Variants in TMEM87A observed in about 807,000 individuals in gnomAD.
TMEM87A encodes the protein Golgi-pH regulating cation channel.
TMEM87A carries 50 observed loss-of-function variants against 90.0 expected under a neutral mutation model. The ratio of observed to expected loss-of-function variants is 0.56; its 90% CI spans 0.44 to 0.70. The LOEUF (loss-of-function observed/expected upper bound fraction) is 0.70. Ranked by LOEUF, TMEM87A falls within the 30% of genes least tolerant of loss-of-function variation. The pLI is 0.00. For synonymous variants in TMEM87A, 226 were observed against 226.7 expected (o/e 1.00, Z 0.03); for missense variants, 577 against 660.5 (o/e 0.87, Z 1.39).
chr15:42,250,802 A>T (rs2051070974), intron 6 of TMEM87A, among the ~76,000 whole-genome samples: 1 of 151,950 alleles, frequency 6.6e-6, no homozygotes, highest in African/African-American at 2.4e-5. Flanking sequence ...TAGGTGGGGG[A>T]AGTTCTCCTA....
chr15:42,243,136 C>T (rs947045473), intron 7 of TMEM87A, among the ~76,000 whole-genome samples: 3 of 151,924 alleles, frequency 2.0e-5, no homozygotes, highest in Admixed American at 6.6e-5. Context: ...GGTGTGGTGG[C>T]GGGCGCCTGT....
intron 2 of TMEM87A, 37 bp downstream of exon 2, chr15:42,272,026 A>G (rs767533135): frequency 6.5e-7 from 1 of 1,528,346 alleles, no homozygotes; most frequent in South Asian, 1.2e-5. Flanking sequence ...AAATTTTTAA[A>G]ATTCAAATTA....
intron 6 of TMEM87A, among the ~76,000 whole-genome samples, chr15:42,250,077 A>G (rs1204163154): frequency 6.6e-6 from 1 of 152,194 alleles, no homozygotes; most frequent in African/African-American, 2.4e-5. Context: ...ATCAGAGACT[A>G]GAATTGCAAC....
Position 42,264,128 on chromosome 15 carries a change from T to C in TMEM87A, c.367A>G (p.Lys123Glu). ...GLSGKYQTSS[K>E]LFQNCSELFK... Reference sequence around the variant, plus strand: ...AGTTCACTGCAGTTCTGGAACAATTTTGATGATGTTTGATATTTCCCAGAC... The same window carrying C: ...AGTTCACTGCAGTTCTGGAACAATTCTGATGATGTTTGATATTTCCCAGAC... Residue 123 changes from lysine to glutamate, a missense_variant, in exon 4 of 20, where the codon AAA becomes GAA. Lys to Glu is a moderately conservative substitution (Grantham distance 56). Transcript: ENST00000389834. 1.9e-6 allele frequency: 3 copies of C among 1,613,852 alleles called. No individual in the cohort carries two copies. Among genetic ancestry groups the C allele is most frequent in the East Asian group, 2.2e-5 (1 of 44,798 alleles).
chr15:42,250,593 C>T (rs2140962576), intron 6 of TMEM87A, among the ~76,000 whole-genome samples: 1 of 151,710 alleles, frequency 6.6e-6, no homozygotes, highest in Admixed American at 6.6e-5. Flanking sequence ...TATTGGCCCC[C>T]ACTAACAGAT....
chr15:42,241,492 T>C (rs953888823), intron 7 of TMEM87A, among the ~76,000 whole-genome samples: 3 of 152,120 alleles, frequency 2.0e-5, no homozygotes, highest in African/African-American at 7.2e-5. Context: ...TACCATATAG[T>C]AGTGGTGTTT....
intron 14 of TMEM87A, 174 bp downstream of exon 14, chr15:42,227,537 A>C (rs1045787227): frequency 3.7e-6 from 2 of 547,662 alleles, no homozygotes; most frequent in Non-Finnish European, 6.4e-6. Context: ...TACTATACCA[A>C]GCACCATGAT....
At chr15:42,241,062 T>A (rs1043983293) in intron 7 of TMEM87A, among the ~76,000 whole-genome samples, 19 of 152,214 alleles carry the variant, frequency 1.2e-4, no homozygotes. Context: ...CAGCTGCCTC[T>A]GCACCACCTC....
At position 42,244,149 on chromosome 15, in the gene TMEM87A, G is replaced by GCAATGGTTC; in HGVS notation, c.514_522dup (p.Glu172_Leu174dup). The GCAATGGTTC allele has an allele frequency of 6.4e-7, 1 of 1,567,980 alleles. No individual in the cohort carries two copies. The highest frequency in any genetic ancestry group is 1.2e-5 in the South Asian group (1 of 80,972). ...ATGTATGGTGCATCTTGCCAAGTTT[G>GCAATGGTTC]CAATGGTTCATGCATTGCCTAGAAA... On this transcript the variant is annotated inframe_insertion, in exon 7 of 20. Coordinates refer to ENST00000389834, the MANE Select transcript of TMEM87A (RefSeq NM_015497.5).
chr15:42,243,812 G>A (rs2050919439), intron 7 of TMEM87A, among the ~76,000 whole-genome samples: 3 of 152,010 alleles, frequency 2.0e-5, no homozygotes, highest in Non-Finnish European at 2.9e-5. Context: ...GAGCCACCGC[G>A]CCCGGCCAAT....
chr15:42,226,739 A>G (rs926824220), intron 15 of TMEM87A, 67 bp downstream of exon 15: 24 of 1,389,190 alleles, frequency 1.7e-5, no homozygotes, highest in East Asian at 6.9e-5. Flanking sequence ...CTGTCCCCCA[A>G]TGCACCACCC....
chr15:42,269,061 T>G (rs1400258961), intron 2 of TMEM87A, among the ~76,000 whole-genome samples: 1 of 152,132 alleles, frequency 6.6e-6, no homozygotes, highest in East Asian at 1.9e-4. Flanking sequence ...GAAGCTCATG[T>G]TATCATGGAA....
At chr15:42,262,243 T>C (rs1010278845) in intron 4 of TMEM87A, 1 of 152,178 alleles carries the variant, frequency 6.6e-6, no homozygotes, top group Non-Finnish European at 1.5e-5. Context: ...ATCCTCCTAG[T>C]CTAAGGGATA....
intron 15 of TMEM87A, among the ~76,000 whole-genome samples, chr15:42,221,216 T>C (rs2050474734): frequency 6.7e-6 from 1 of 150,222 alleles, no homozygotes. Context: ...ACCACTGCAC[T>C]CCAGCCTGGG....
At chr15:42,246,524 CTA>C (rs2050975644) in intron 6 of TMEM87A, among the ~76,000 whole-genome samples, 1 of 152,022 alleles carries the variant, frequency 6.6e-6, no homozygotes, top group Non-Finnish European at 1.5e-5. Context: ...CAACTCCCAC[CTA>C]TGAGTGAGAA....
At chr15:42,266,231 C>A (rs547718650) in intron 3 of TMEM87A, among the ~76,000 whole-genome samples, 6 of 152,280 alleles carry the variant, frequency 3.9e-5, no homozygotes, top group South Asian at 4.1e-4. Flanking sequence ...AAACTATTTT[C>A]ATGGCTGGGC....
intron 16 of TMEM87A, 74 bp downstream of exon 16, chr15:42,219,988 T>C: frequency 7.4e-7 from 1 of 1,350,508 alleles, no homozygotes; most frequent in Middle Eastern, 2.3e-4. Flanking sequence ...ACAACACAGT[T>C]ATAAAATAAT....
intron 19 of TMEM87A, among the ~76,000 whole-genome samples, chr15:42,212,107 G>A (rs903900611): frequency 6.6e-6 from 1 of 152,162 alleles, no homozygotes; most frequent in Non-Finnish European, 1.5e-5. Flanking sequence ...TGAAGGATGA[G>A]GGCAAAGACG....
At chr15:42,221,113 G>A (rs898111600) in intron 15 of TMEM87A, among the ~76,000 whole-genome samples, 1 of 152,156 alleles carries the variant, frequency 6.6e-6, no homozygotes, top group Non-Finnish European at 1.5e-5. Context: ...TTAAAGGTGT[G>A]AGCCACCGCG....
Sources: allele counts gnomAD v4.1 joint callset (sites outside exome capture counted in the v4.1 genomes callset), GRCh38; gene constraint gnomAD v4.1.1; transcripts MANE v1.5; gene names NCBI Gene and HGNC (gene_info 2026-07-23, HGNC 2026-07-21).